The following GUCY1A2 variants were observed in gnomAD, a reference collection of about 807,000 sequenced individuals.
GUCY1A2 encodes the protein guanylate cyclase 1 soluble subunit alpha 2.
GUCY1A2 carries 27 observed loss-of-function variants against 63.5 expected under a neutral mutation model. The observed-to-expected ratio is 0.43, with a 90% CI of 0.31 to 0.59. GUCY1A2 has a LOEUF of 0.59. GUCY1A2 is among the 20% of genes least tolerant of loss of function. The pLI, the probability that GUCY1A2 is intolerant of heterozygous loss-of-function variation, is 0.11. For synonymous variants in GUCY1A2, 364 were observed against 343.5 expected (o/e 1.06, Z -0.66); for missense variants, 768 against 913.3 (o/e 0.84, Z 2.05).
At chr11:107,017,012 A>T (rs2120227133) in intron 1 of GUCY1A2, among the ~76,000 whole-genome samples, 1 of 152,320 alleles carries the variant, frequency 6.6e-6, no homozygotes, top group Admixed American at 6.5e-5. Flanking sequence ...CACATCCTGC[A>T]CATGTAACCC....
chr11:106,999,632 A>G (rs1225857320), intron 1 of GUCY1A2, among the ~76,000 whole-genome samples: 1 of 152,170 alleles, frequency 6.6e-6, no homozygotes, highest in Non-Finnish European at 1.5e-5. Context: ...ACAATTGGTA[A>G]TATTTCGTTG....
chr11:106,970,027 A>C (rs2120092061), intron 3 of GUCY1A2, among the ~76,000 whole-genome samples: 1 of 152,330 alleles, frequency 6.6e-6, no homozygotes, highest in Middle Eastern at 3.4e-3. Context: ...AGAGTTTCTA[A>C]GAAATTTGAG....
intron 4 of GUCY1A2, among the ~76,000 whole-genome samples, chr11:106,875,160 T>C (rs1859732827): frequency 6.6e-6 from 1 of 152,134 alleles, no homozygotes; most frequent in Non-Finnish European, 1.5e-5. Flanking sequence ...ACTATAACAG[T>C]ATCATATTTG....
intron 4 of GUCY1A2, among the ~76,000 whole-genome samples, chr11:106,891,557 G>T (rs1160535532): frequency 2.6e-5 from 4 of 152,030 alleles, no homozygotes. Flanking sequence ...TCTAGAAGCT[G>T]TATTTATGTC....
intron 3 of GUCY1A2, among the ~76,000 whole-genome samples, chr11:106,959,912 T>C (rs1156284075): frequency 6.6e-6 from 1 of 152,226 alleles, no homozygotes; most frequent in African/African-American, 2.4e-5. Context: ...TGAAACCTAA[T>C]GAAGTTTGCC....
At chr11:106,819,992 G>C (rs569939385) in intron 4 of GUCY1A2, among the ~76,000 whole-genome samples, 4 of 152,236 alleles carry the variant, frequency 2.6e-5, no homozygotes, top group African/African-American at 9.6e-5. Flanking sequence ...GGATATGGAA[G>C]GATTGAGGAG....
Position 106,827,017 on chromosome 11 carries a change from G to A in GUCY1A2, c.1207-16539C>T. On this transcript the variant is annotated intron_variant, in intron 4 of 7. Coordinates refer to ENST00000526355, the MANE Select transcript of GUCY1A2 (RefSeq NM_000855.3). Reference sequence around the variant, plus strand: ...TTCCACATAGACAGGCCACATCTCTGTATTAGTTGTAACTGACGTATGGTC... The same window carrying A: ...TTCCACATAGACAGGCCACATCTCTATATTAGTTGTAACTGACGTATGGTC... 2.5e-6 allele frequency: 4 copies of A among 1,604,238 alleles called. No homozygotes were observed. In the South Asian group the frequency reaches 4.4e-5, roughly 18 times the overall value.
chr11:106,788,639 G>C (rs1304641890), intron 5 of GUCY1A2, among the ~76,000 whole-genome samples: 1 of 152,114 alleles, frequency 6.6e-6, no homozygotes, highest in African/African-American at 2.4e-5. Flanking sequence ...AGTTTTCCCA[G>C]CATCATTTAT....
intron 4 of GUCY1A2, among the ~76,000 whole-genome samples, chr11:106,877,953 A>G (rs545203094): frequency 1.3e-5 from 2 of 152,232 alleles, no homozygotes; most frequent in African/African-American, 4.8e-5. Flanking sequence ...AAACAAACCC[A>G]TTAAAAAGTG....
intron 2 of GUCY1A2, among the ~76,000 whole-genome samples, chr11:106,985,746 G>A (rs780754927): frequency 6.6e-6 from 1 of 152,054 alleles, no homozygotes; most frequent in Non-Finnish European, 1.5e-5. Context: ...CATCTGGGTT[G>A]GTACCAATAA....
chr11:106,717,609 A>G (rs2135360193), intron 6 of GUCY1A2, among the ~76,000 whole-genome samples: 1 of 152,334 alleles, frequency 6.6e-6, no homozygotes, highest in East Asian at 1.9e-4. Flanking sequence ...AAAAGCCCGT[A>G]AGCTCTTCAC....
intron 3 of GUCY1A2, among the ~76,000 whole-genome samples, chr11:106,964,717 T>C (rs535859939): frequency 3.3e-4 from 51 of 152,326 alleles, no homozygotes; most frequent in Admixed American, 1.4e-3. Context: ...AGGTGCCTCA[T>C]GCCTGTAATC....
chr11:106,936,326 T>G (rs1219288771), intron 4 of GUCY1A2, among the ~76,000 whole-genome samples: 2 of 152,208 alleles, frequency 1.3e-5, no homozygotes, highest in African/African-American at 2.4e-5. Flanking sequence ...GAACAATATT[T>G]GATATACATG....
At chr11:106,865,256 T>C (rs1203237749) in intron 4 of GUCY1A2, among the ~76,000 whole-genome samples, 1 of 152,128 alleles carries the variant, frequency 6.6e-6, no homozygotes, top group Non-Finnish European at 1.5e-5. Flanking sequence ...CTTTTATCAT[T>C]TTTTATTGTG....
At chr11:106,701,064 C>T (rs12419250) in intron 7 of GUCY1A2, among the ~76,000 whole-genome samples, 16,714 of 152,108 alleles carry the variant, frequency 0.11, 1,117 homozygotes, top group African/African-American at 0.19. Context: ...CATCATTCTT[C>T]AATTATTCCA....
rs1307910690 is a variant in GUCY1A2, at chr11:106,682,614, AACTTT to A, written c.*4930_*4934del. ...ATAACATATTAGAAATAAAGACACA[AACTTT>A]ACTTCTCTGCATTCCCAAGTCCTTC... On this transcript the variant is annotated 3_prime_UTR_variant, in exon 8 of 8. Coordinates refer to ENST00000526355, the MANE Select transcript of GUCY1A2 (RefSeq NM_000855.3). 9.4e-6 allele frequency: 2 copies of A among 212,422 alleles called. No individual in the cohort carries two copies. Among genetic ancestry groups the A allele is most frequent in the African/African-American group, 4.5e-5 (2 of 44,172 alleles). The allele number at this position is 212,422 out of a possible 1,614,324, so 13.2% of individuals were successfully genotyped here.
chr11:106,913,142 TAA>T (rs1860319061), intron 4 of GUCY1A2, among the ~76,000 whole-genome samples: 1 of 141,864 alleles, frequency 7.0e-6, no homozygotes, highest in African/African-American at 2.6e-5. Flanking sequence ...TATATATATA[TAA>T]AAGCAATCAA....
chr11:106,787,087 G>T (rs1864568490), intron 5 of GUCY1A2, among the ~76,000 whole-genome samples: 1 of 151,570 alleles, frequency 6.6e-6, no homozygotes, highest in Non-Finnish European at 1.5e-5. Flanking sequence ...CATTTTTTTA[G>T]TATTTTTTGT....
chr11:106,676,380 C>CT lies in GUCY1A2; in HGVS notation c.*11168dup, dbSNP rs35106966. 0.01 allele frequency: 1,709 copies of CT among 170,528 alleles called. 2 individuals carry two copies. Among genetic ancestry groups the CT allele is most frequent in the East Asian group, 0.039 (378 of 9,642 alleles). 10.6% of individuals were successfully genotyped at this position (170,528 alleles called of 1,614,324 possible). A position where few individuals can be genotyped will look rare whatever the true frequency, so the allele number is the denominator to read the frequency against. On this transcript the variant is annotated 3_prime_UTR_variant, in exon 8 of 8. Coordinates refer to ENST00000526355, the MANE Select transcript of GUCY1A2 (RefSeq NM_000855.3). ...GTTTGATCTCTTGATCCAAGCTGTACTTTTTTTTTTTTTGTATTTAATAAA... is the reference window on the plus strand; with the variant it reads ...GTTTGATCTCTTGATCCAAGCTGTACTTTTTTTTTTTTTTGTATTTAATAAA...
Sources: gnomAD v4.1 joint callset for allele counts (sites outside exome capture counted in the v4.1 genomes callset) on GRCh38, gnomAD v4.1.1 for gene constraint, MANE v1.5 for transcripts, NCBI Gene and HGNC (gene_info 2026-07-23, HGNC 2026-07-21) for gene names.